Variants in CRYAB observed in about 807,000 individuals in gnomAD.
CRYAB encodes alpha-crystallin B chain.
In CRYAB, 9 loss-of-function variants were observed where a neutral mutation model predicts 12.7. The ratio of observed to expected loss-of-function variants is 0.71; its 90% CI spans 0.43 to 1.24. The LOEUF is 1.24. CRYAB is among the 50% of genes most tolerant of loss of function. The pLI, the probability that CRYAB is intolerant of heterozygous loss-of-function variation, is 0.00. For missense variants in CRYAB, 183 were observed against 226.6 expected (o/e 0.81, Z 1.24); for synonymous variants, 93 against 86.8 (o/e 1.07, Z -0.40).
chr11:111,909,561 G>A (rs1965387589), intron 2 of CRYAB, among the ~76,000 whole-genome samples: 1 of 152,154 alleles, frequency 6.6e-6, no homozygotes, highest in African/African-American at 2.4e-5. Flanking sequence ...GTCATAACAA[G>A]CTGTTCCATT....
intron 2 of CRYAB, among the ~76,000 whole-genome samples, chr11:111,909,426 C>G (rs1015423458): frequency 4.0e-5 from 6 of 151,880 alleles, no homozygotes; most frequent in African/African-American, 1.5e-4. Context: ...ATGACCCAAA[C>G]CTAAATCATA....
chr11:111,917,744 G>C (rs1457216517), upstream of CRYAB, among the ~76,000 whole-genome samples: 1 of 151,866 alleles, frequency 6.6e-6, no homozygotes, highest in African/African-American at 2.4e-5. Flanking sequence ...TACTCGAGAG[G>C]CTGAGGGGGG....
At chr11:111,916,487 C>T (rs1170806393), upstream of CRYAB, among the ~76,000 whole-genome samples, 1 of 152,160 alleles carries the variant, frequency 6.6e-6, no homozygotes, top group African/African-American at 2.4e-5. Context: ...CCTCCCAACA[C>T]ATTGGGGTTA....
chr11:111,910,217 T>C (rs1474569024), intron 2 of CRYAB, 110 bp downstream of exon 2: 9 of 1,354,114 alleles, frequency 6.6e-6, no homozygotes, highest in African/African-American at 2.9e-5. Flanking sequence ...ATCCCGACTG[T>C]TATGGCTTGG....
upstream of CRYAB, among the ~76,000 whole-genome samples, chr11:111,917,840 AAAAAT>A (rs2137395511): frequency 6.6e-6 from 1 of 152,216 alleles, no homozygotes; most frequent in East Asian, 1.9e-4. Context: ...CCCTGTCTTT[AAAAAT>A]AAAAGAAAGA....
chr11:111,912,977 G>A (rs1181306292), upstream of CRYAB: 3 of 1,356,316 alleles, frequency 2.2e-6, no homozygotes, highest in Non-Finnish European at 3.0e-6. Flanking sequence ...TGAAATTCTG[G>A]GCTGACCTCC....
chr11:111,912,158 A>G (rs985893066), upstream of CRYAB: 1 of 230,884 alleles, frequency 4.3e-6, no homozygotes, highest in Non-Finnish European at 8.7e-6. Flanking sequence ...GCCAGCAACT[A>G]TCTTGGGCCT....
At chr11:111,910,198 TA>T in intron 2 of CRYAB, 128 bp downstream of exon 2, 1 of 1,137,346 alleles carries the variant, frequency 8.8e-7, no homozygotes, top group Non-Finnish European at 1.3e-6. Flanking sequence ...CATTGATTTG[TA>T]ACCCCTGATC....
At position 111,911,566 on chromosome 11, in the gene CRYAB, G is replaced by A; in HGVS notation, c.159C>T (p.Ser53=). The part of the protein sequence containing the change: ...SLSPFYLRPP[S]FLRAPSWFDT... ...CAAACCAGCTGGGTGCCCGCAGGAA[G>A]GAGGGTGGCCGAAGGTAGAAGGGAC... is the stretch of plus-strand genomic sequence containing the variant. Residue 53 remains serine (S), a synonymous_variant, in exon 1 of 3, where the codon TCC becomes TCT. Transcript: ENST00000650687. 1 of 1,613,290 alleles carries A rather than the reference G, an allele frequency of 6.2e-7. No homozygotes were observed. Among genetic ancestry groups the A allele is most frequent in the South Asian group, 1.1e-5 (1 of 90,744 alleles).
At chr11:111,913,574 A>T, upstream of CRYAB, 1 of 1,614,126 alleles carries the variant, frequency 6.2e-7, no homozygotes, top group Non-Finnish European at 8.5e-7. Flanking sequence ...AGTTCCAGGC[A>T]TTTCTGGATG....
upstream of CRYAB, chr11:111,912,617 A>G (rs993245164): frequency 1.4e-5 from 8 of 589,504 alleles, no homozygotes; most frequent in African/African-American, 9.3e-5. Context: ...GGAGGGGACT[A>G]GGGGTCCGGG....
upstream of CRYAB, among the ~76,000 whole-genome samples, chr11:111,914,261 C>G (rs375603624): frequency 1.3e-5 from 2 of 152,140 alleles, no homozygotes; most frequent in Admixed American, 6.5e-5. Context: ...GACTCTGGCT[C>G]CAGATCAAAT....
At position 111,908,680 on chromosome 11, in the gene CRYAB, T is replaced by C; in HGVS notation, c.*84A>G. On this transcript the variant is annotated 3_prime_UTR_variant, in exon 3 of 3. Transcript: ENST00000650687. The stretch of plus-strand genomic sequence containing the variant: ...AATTTGGGCCTGCCCTTAGCATTAA[T>C]AAGCTTCAGCACTAGTCACAAGACT... 7.3e-7 allele frequency: 1 copy of C among 1,369,092 alleles called. No individual in the cohort carries two copies. The highest frequency in any genetic ancestry group is 1.0e-6 in the Non-Finnish European group (1 of 961,678). The allele number at this position is 1,369,092 out of a possible 1,614,324, so 84.8% of individuals were successfully genotyped here. A position where few individuals can be genotyped will look rare whatever the true frequency, so the allele number is the denominator to read the frequency against.
chr11:111,917,378 C>A (rs1029496824), upstream of CRYAB, among the ~76,000 whole-genome samples: 1 of 151,990 alleles, frequency 6.6e-6, no homozygotes, highest in Non-Finnish European at 1.5e-5. Flanking sequence ...GAATGGATTG[C>A]ATGGAAGAAG....
chr11:111,918,598 A>T (rs1428752913), intron 1 of CRYAB: 1 of 643,446 alleles, frequency 1.6e-6, no homozygotes, highest in Non-Finnish European at 2.9e-6. Flanking sequence ...CTCATCTATT[A>T]TAGAGGATAT....
chr11:111,914,538 C>T (rs1965567626), upstream of CRYAB, among the ~76,000 whole-genome samples: 1 of 152,126 alleles, frequency 6.6e-6, no homozygotes, highest in African/African-American at 2.4e-5. Flanking sequence ...ATTTTGAGAG[C>T]CTGAGTATGC....
intron 1 of CRYAB, among the ~76,000 whole-genome samples, chr11:111,921,806 TC>T (rs1965703628): frequency 6.6e-6 from 1 of 152,130 alleles, no homozygotes; most frequent in Non-Finnish European, 1.5e-5. Flanking sequence ...CTTACAATAA[TC>T]CCATGAGGTC....
At chr11:111,916,409 G>T (rs1253750412), upstream of CRYAB, among the ~76,000 whole-genome samples, 1 of 151,950 alleles carries the variant, frequency 6.6e-6, no homozygotes, top group Non-Finnish European at 1.5e-5. Context: ...TTTTTGTAGA[G>T]ACTGGGTTTC....
At chr11:111,911,111 T>C (rs554999276) in intron 1 of CRYAB, among the ~76,000 whole-genome samples, 17 of 152,134 alleles carry the variant, frequency 1.1e-4, no homozygotes, top group African/African-American at 3.9e-4. Flanking sequence ...AAAATACCCA[T>C]GGGGATGAAC....
Sources: allele counts gnomAD v4.1 joint callset (sites outside exome capture counted in the v4.1 genomes callset), GRCh38; gene constraint gnomAD v4.1.1; transcripts MANE v1.5; gene names NCBI Gene and HGNC (gene_info 2026-07-23, HGNC 2026-07-21).